ABCE1: variants seen among roughly 807,000 people sequenced by gnomAD.
The protein encoded by ABCE1 is ATP binding cassette subfamily E member 1.
A neutral mutation model predicts 83.4 loss-of-function variants in ABCE1; 22 were observed. The observed-to-expected ratio is 0.26, with a 90% CI of 0.19 to 0.38. ABCE1 has a LOEUF of 0.38. Ranked by LOEUF, ABCE1 falls within the 10% of genes least tolerant of loss-of-function variation. ABCE1 has a pLI of 1.00. For missense variants in ABCE1, 330 were observed against 721.9 expected (o/e 0.46, Z 6.22); for synonymous variants, 204 against 233.7 (o/e 0.87, Z 1.16).
chr4:145,106,391 C>A (rs1749306178), intron 3 of ABCE1, among the ~76,000 whole-genome samples: 1 of 151,942 alleles, frequency 6.6e-6, no homozygotes, highest in Admixed American at 6.6e-5. Context: ...TTCATGGATA[C>A]CTGAAACATT....
chr4:145,124,365 T>TA (rs1749819787), intron 16 of ABCE1, among the ~76,000 whole-genome samples: 1 of 152,000 alleles, frequency 6.6e-6, no homozygotes, highest in South Asian at 2.1e-4. Flanking sequence ...TTTTTTTTTT[T>TA]ATAAATTGAG....
Position 145,120,116 on chromosome 4 carries a change from TAC to T in ABCE1, c.1109_1110del (p.Thr370ArgfsTer3). ...FELAIVAGEF[T>X]DSEIMVMLGE... Reference sequence around the variant, plus strand: ...AGCTAGCAATTGTAGCTGGAGAGTTTACAGATTCTGAAATTATGGTGATGCTG... The same window carrying T: ...AGCTAGCAATTGTAGCTGGAGAGTTTAGATTCTGAAATTATGGTGATGCTG... On this transcript the variant is annotated frameshift_variant, in exon 11 of 18. Transcript: ENST00000296577. LOFTEE classifies it high-confidence loss of function. 6.2e-7 allele frequency: 1 copy of T among 1,608,616 alleles called. No individual in the cohort carries two copies. Among genetic ancestry groups the T allele is most frequent in the South Asian group, 1.1e-5 (1 of 89,418 alleles).
chr4:145,125,474 T>TA (rs1268750631), intron 17 of ABCE1, among the ~76,000 whole-genome samples: 2 of 152,066 alleles, frequency 1.3e-5, no homozygotes, highest in African/African-American at 4.8e-5. Flanking sequence ...TCTAAAAAAA[T>TA]AAAAATAAAT....
chr4:145,121,211 A>G lies in ABCE1; in HGVS notation c.1182A>G (p.Gly394=), dbSNP rs1345906462. Residue 394 remains glycine, a synonymous_variant, in exon 12 of 18, where the codon GGA becomes GGG. Transcript: ENST00000296577. ...CGACATTTATCAGAATGCTTGCTGGAAGACTTAAACCTGATGAAGGAGGTA... is the reference window on the plus strand; with the variant it reads ...CGACATTTATCAGAATGCTTGCTGGGAGACTTAAACCTGATGAAGGAGGTA... ...GKTTFIRMLA[G]RLKPDEGGEV... is the part of the protein sequence containing the mutation. 1.3e-5 allele frequency: 21 copies of G among 1,613,762 alleles called. No homozygotes were observed. Among genetic ancestry groups the G allele is most frequent in the Non-Finnish European group, 1.8e-5 (21 of 1,179,878 alleles).
Position 145,111,215 on chromosome 4 carries a change from T to A in ABCE1, c.710+151T>A, listed in dbSNP as rs1749462903. ...GGTAAGATGTTGAAGCAGTTGTGTA[T>A]CCACTACTCATTTTCCCTGTTATAT... On this transcript the variant is annotated intron_variant, in intron 8 of 17. Transcript: ENST00000296577. 6 of 495,250 alleles carry A rather than the reference T, an allele frequency of 1.2e-5. No individual in the cohort carries two copies. In the East Asian group the frequency reaches 2.0e-4, roughly 16 times the overall value. 30.7% of individuals were successfully genotyped at this position (495,250 alleles called of 1,614,324 possible). A position where few individuals can be genotyped will look rare whatever the true frequency, so the allele number is the denominator to read the frequency against.
At chr4:145,099,436 CTTTGT>C (rs1749049261) in intron 1 of ABCE1, among the ~76,000 whole-genome samples, 2 of 152,206 alleles carry the variant, frequency 1.3e-5, no homozygotes, top group African/African-American at 4.8e-5. Flanking sequence ...GACACTAATA[CTTTGT>C]TAGTGTAACC....
At chr4:145,122,991 C>A (rs1452261049) in intron 13 of ABCE1, 30 bp from the exon 14 acceptor site, 2 of 1,409,502 alleles carry the variant, frequency 1.4e-6, no homozygotes, top group Admixed American at 2.1e-5. Flanking sequence ...GAAAGTTTAT[C>A]ATTTAAATAC....
At chr4:145,116,096 T>C (rs1375300377) in intron 9 of ABCE1, among the ~76,000 whole-genome samples, 2 of 151,818 alleles carry the variant, frequency 1.3e-5, no homozygotes, top group Non-Finnish European at 3.0e-5. Flanking sequence ...CAGGTAAAGA[T>C]CTAGGCAGGA....
At chr4:145,118,954 A>G (rs1749672572) in intron 10 of ABCE1, among the ~76,000 whole-genome samples, 1 of 151,880 alleles carries the variant, frequency 6.6e-6, no homozygotes, top group South Asian at 2.1e-4. Flanking sequence ...TAGGTATTTG[A>G]ACCAAGTGGC....
chr4:145,099,322 A>G (rs1409852596), intron 1 of ABCE1, among the ~76,000 whole-genome samples: 4 of 152,066 alleles, frequency 2.6e-5, no homozygotes, highest in South Asian at 4.1e-4. Flanking sequence ...TTATTTTTTT[A>G]CTCTTTCCCA....
At chr4:145,114,602 C>T (rs1484821889) in intron 9 of ABCE1, among the ~76,000 whole-genome samples, 1 of 151,726 alleles carries the variant, frequency 6.6e-6, no homozygotes, top group East Asian at 1.9e-4. Context: ...ATTAAAAGAT[C>T]AGTAACTATT....
chr4:145,122,215 A>G (rs1319705802), intron 13 of ABCE1: 1 of 152,162 alleles, frequency 6.6e-6, no homozygotes, highest in African/African-American at 2.4e-5. Flanking sequence ...TCAACATTCA[A>G]TTTATGTTTT....
intron 1 of ABCE1, among the ~76,000 whole-genome samples, chr4:145,101,406 A>G (rs1749153184): frequency 6.6e-6 from 1 of 152,218 alleles, no homozygotes; most frequent in Non-Finnish European, 1.5e-5. Flanking sequence ...AGGCTGATCA[A>G]TGCCTCATTG....
At chr4:145,112,991 C>T (rs1188383241) in intron 9 of ABCE1, among the ~76,000 whole-genome samples, 4 of 152,136 alleles carry the variant, frequency 2.6e-5, no homozygotes, top group Non-Finnish European at 5.9e-5. Flanking sequence ...GTTATACTGC[C>T]TCTTCTGACT....
At chr4:145,125,867 C>A (rs1219901238) in intron 17 of ABCE1, among the ~76,000 whole-genome samples, 1 of 152,044 alleles carries the variant, frequency 6.6e-6, no homozygotes, top group Non-Finnish European at 1.5e-5. Flanking sequence ...CGGTGAAAAC[C>A]CATCTCTACT....
intron 16 of ABCE1, among the ~76,000 whole-genome samples, chr4:145,124,352 C>T (rs1340875851): frequency 6.6e-6 from 1 of 150,838 alleles, no homozygotes; most frequent in African/African-American, 2.4e-5. Context: ...TCCCTGAATT[C>T]CTTTTTTTTT....
intron 5 of ABCE1, among the ~76,000 whole-genome samples, chr4:145,109,485 G>A (rs980992902): frequency 2.6e-5 from 4 of 152,104 alleles, no homozygotes; most frequent in Non-Finnish European, 4.4e-5. Flanking sequence ...GCTTGATTCT[G>A]CTGTATTACA....
At chr4:145,100,687 C>A (rs868593697) in intron 1 of ABCE1, among the ~76,000 whole-genome samples, 3 of 152,176 alleles carry the variant, frequency 2.0e-5, no homozygotes, top group Non-Finnish European at 4.4e-5. Flanking sequence ...GGAATAGAGT[C>A]AACCTGTTTA....
chr4:145,121,519 A>C, intron 13 of ABCE1, 128 bp downstream of exon 13: 1 of 681,964 alleles, frequency 1.5e-6, no homozygotes, highest in Non-Finnish European at 2.5e-6. Flanking sequence ...AGTTGCAAAC[A>C]AATGTATTAA....
Sources: gnomAD v4.1 joint callset for allele counts (sites outside exome capture counted in the v4.1 genomes callset) on GRCh38, gnomAD v4.1.1 for gene constraint, MANE v1.5 for transcripts, NCBI Gene and HGNC (gene_info 2026-07-23, HGNC 2026-07-21) for gene names.